The following RBFOX1 variants were observed in gnomAD, a reference collection of about 807,000 sequenced individuals.
The protein encoded by RBFOX1 is RNA binding fox-1 homolog 1, also known as RNA binding protein fox-1 homolog 1.
Under a neutral mutation model 57.7 loss-of-function variants are expected in RBFOX1, and 8 were observed. That is an observed-to-expected ratio of 0.14 (90% confidence interval 0.08 to 0.25). The LOEUF is 0.25. Among genes scored for constraint, RBFOX1 ranks in the 10% least tolerant of loss-of-function variants. The pLI is 1.00. For synonymous variants in RBFOX1, 326 were observed against 222.4 expected (o/e 1.47, Z -4.15); for missense variants, 611 against 548.5 (o/e 1.11, Z -1.14).
chr16:6,550,723 C>T lies in RBFOX1; in HGVS notation c.-63-103880C>T, dbSNP rs143988363. Among the ~76,000 whole-genome samples the T allele has an allele frequency of 8.5e-5, 13 of 152,332 alleles. No homozygotes were observed. In the East Asian group the frequency reaches 2.1e-3, roughly 25 times the overall value. On this transcript the variant is annotated intron_variant, in intron 2 of 15. Coordinates refer to ENST00000550418, the MANE Select transcript of RBFOX1 (RefSeq NM_018723.4). ...CTGCATCCCCACTGAAATTGTTATA[C>T]TTCATAAAATACTTTGTACCTACTT...
At chr16:5,960,992 A>T (rs2059736661) in intron 4 of RBFOX1, among the ~76,000 whole-genome samples, 1 of 152,148 alleles carries the variant, frequency 6.6e-6, no homozygotes, top group African/African-American at 2.4e-5. Flanking sequence ...TGGGGGAAAA[A>T]GCTACCTTCT....
At chr16:6,714,017 T>C (rs923267621) in intron 3 of RBFOX1, among the ~76,000 whole-genome samples, 3 of 152,336 alleles carry the variant, frequency 2.0e-5, no homozygotes, top group South Asian at 4.1e-4. Flanking sequence ...TGAATTGTAA[T>C]ACCCATGTGT....
At chr16:6,487,065 C>G (rs914107337) in intron 2 of RBFOX1, among the ~76,000 whole-genome samples, 1 of 151,776 alleles carries the variant, frequency 6.6e-6, no homozygotes, top group African/African-American at 2.4e-5. Context: ...ATGTCCCAAA[C>G]AGTTTTCAGG....
chr16:6,450,754 C>CGT, intron 2 of RBFOX1, among the ~76,000 whole-genome samples: 1 of 58,662 alleles, frequency 1.7e-5, no homozygotes, highest in East Asian at 4.5e-4. Context: ...TATATATATA[C>CGT]ATATATATAT....
chr16:7,451,835 A>G (rs1490233974), intron 4 of RBFOX1, among the ~76,000 whole-genome samples: 1 of 151,970 alleles, frequency 6.6e-6, no homozygotes, highest in East Asian at 1.9e-4. Context: ...CAGTTCCCTA[A>G]TCTAATTTAT....
At chr16:5,961,089 G>T (rs1192426163) in intron 4 of RBFOX1, among the ~76,000 whole-genome samples, 2 of 152,178 alleles carry the variant, frequency 1.3e-5, no homozygotes, top group Non-Finnish European at 2.9e-5. Flanking sequence ...TTTCCAGGAA[G>T]CTTTTCTAAC....
intron 1 of RBFOX1, among the ~76,000 whole-genome samples, chr16:5,329,836 A>G (rs918088574): frequency 6.6e-6 from 1 of 152,140 alleles, no homozygotes. Flanking sequence ...CGTCTCTACT[A>G]AAAAAGTCCA....
intron 3 of RBFOX1, among the ~76,000 whole-genome samples, chr16:6,977,562 A>G (rs1027958163): frequency 6.6e-6 from 1 of 152,040 alleles, no homozygotes; most frequent in African/African-American, 2.4e-5. Flanking sequence ...TGACAATTGG[A>G]CACACGTCTG....
At chr16:5,778,396 T>C (rs2054215676) in intron 3 of RBFOX1, among the ~76,000 whole-genome samples, 1 of 152,142 alleles carries the variant, frequency 6.6e-6, no homozygotes, top group Non-Finnish European at 1.5e-5. Flanking sequence ...GCTTCACCCC[T>C]AGTCCTTCAC....
At chr16:6,379,916 C>A (rs1046659409) in intron 2 of RBFOX1, among the ~76,000 whole-genome samples, 1 of 151,970 alleles carries the variant, frequency 6.6e-6, no homozygotes, top group African/African-American at 2.4e-5. Context: ...TGGAAAGGGG[C>A]CTGATGGAGA....
At chr16:5,893,709 G>C (rs1197007833) in intron 4 of RBFOX1, among the ~76,000 whole-genome samples, 2 of 151,758 alleles carry the variant, frequency 1.3e-5, no homozygotes, top group Non-Finnish European at 2.9e-5. Flanking sequence ...TGGAGGCTGA[G>C]ACATAAGAAT....
chr16:5,536,273 C>G (rs568031858), intron 2 of RBFOX1, among the ~76,000 whole-genome samples: 3 of 125,498 alleles, frequency 2.4e-5, no homozygotes, highest in African/African-American at 3.1e-5. Context: ...TCTTGCTTGT[C>G]GCCTAGGCTG....
At chr16:5,939,402 C>G (rs948899907) in intron 4 of RBFOX1, among the ~76,000 whole-genome samples, 4 of 152,196 alleles carry the variant, frequency 2.6e-5, no homozygotes, top group Non-Finnish European at 5.9e-5. Flanking sequence ...TTGCAGTCAT[C>G]TGAAGGTCTG....
intron 2 of RBFOX1, among the ~76,000 whole-genome samples, chr16:6,469,056 A>G (rs1214321149): frequency 6.6e-6 from 1 of 152,068 alleles, no homozygotes; most frequent in African/African-American, 2.4e-5. Flanking sequence ...GACCCCTGGG[A>G]AGGTCTTTTC....
chr16:5,594,428 G>A (rs571183572), intron 2 of RBFOX1, among the ~76,000 whole-genome samples: 2,532 of 121,082 alleles, frequency 0.021, 72 homozygotes, highest in African/African-American at 0.067. Flanking sequence ...AGCCTCAGGA[G>A]GTCCTGACGA....
At chr16:5,606,474 C>A (rs900457617) in intron 3 of RBFOX1, among the ~76,000 whole-genome samples, 6 of 151,986 alleles carry the variant, frequency 3.9e-5, no homozygotes, top group Non-Finnish European at 7.4e-5. Flanking sequence ...CCTTCCTCAC[C>A]TTCTCTCTCA....
intron 3 of RBFOX1, among the ~76,000 whole-genome samples, chr16:6,702,045 C>T (rs7189454): frequency 0.038 from 5,747 of 152,120 alleles, 324 homozygotes; most frequent in African/African-American, 0.12. Context: ...ACCCTTGCAA[C>T]ATACAATTTA....
At chr16:6,981,019 G>T (rs1206372631) in intron 3 of RBFOX1, among the ~76,000 whole-genome samples, 1 of 113,172 alleles carries the variant, frequency 8.8e-6, no homozygotes, top group African/African-American at 5.4e-5. Context: ...CTCCAGCCTG[G>T]GTGGCAGAGC....
chr16:6,955,373 C>CACACAT (rs397745722), intron 3 of RBFOX1, among the ~76,000 whole-genome samples: 1 of 151,470 alleles, frequency 6.6e-6, no homozygotes, highest in Non-Finnish European at 1.5e-5. Context: ...CACACACACA[C>CACACAT]GTGCACATAC....
Sources: allele counts gnomAD v4.1 joint callset (sites outside exome capture counted in the v4.1 genomes callset), GRCh38; gene constraint gnomAD v4.1.1; transcripts MANE v1.5; gene names NCBI Gene and HGNC (gene_info 2026-07-23, HGNC 2026-07-21).